ANKRD45: variants seen among roughly 807,000 people sequenced by gnomAD.
The protein encoded by ANKRD45 is ankyrin repeat domain-containing protein 45.
In ANKRD45, 21 loss-of-function variants were observed where a neutral mutation model predicts 28.1. The ratio of observed to expected loss-of-function variants is 0.75; its 90% CI spans 0.53 to 1.08. ANKRD45 has a LOEUF of 1.08. ANKRD45 is among the 50% of genes least tolerant of loss of function. ANKRD45 has a pLI of 0.00. For missense variants in ANKRD45, 261 were observed against 308.7 expected, an observed-to-expected ratio of 0.85 and a Z score of 1.16; for synonymous variants, 86 against 103.9, an observed-to-expected ratio of 0.83 and a Z score of 1.05.
chr1:173,645,784 C>T (rs1571744448), intron 3 of ANKRD45, among the ~76,000 whole-genome samples: 1 of 152,310 alleles, frequency 6.6e-6, no homozygotes, highest in Non-Finnish European at 1.5e-5. Context: ...ATGCCCTTTC[C>T]CTCTCTATTG....
chr1:173,662,342 G>C (rs1201214709), intron 1 of ANKRD45, among the ~76,000 whole-genome samples: 1 of 152,166 alleles, frequency 6.6e-6, no homozygotes, highest in East Asian at 1.9e-4. Context: ...TTTTAAATTG[G>C]TAGAATATTA....
chr1:173,637,185 TG>T, intron 3 of ANKRD45: 1 of 597,754 alleles, frequency 1.7e-6, no homozygotes, highest in South Asian at 2.2e-5. Context: ...TGGGTTGAAA[TG>T]TTACTTCCCA....
chr1:173,668,597 A>G (rs564320139), intron 1 of ANKRD45, among the ~76,000 whole-genome samples: 2 of 152,302 alleles, frequency 1.3e-5, no homozygotes, highest in South Asian at 4.1e-4. Flanking sequence ...CCAAGAAGAT[A>G]CCTGATAACC....
At chr1:173,703,388 A>G in the ANKRD45 span, among the ~76,000 whole-genome samples, 1 of 151,394 alleles carries the variant, frequency 6.6e-6, no homozygotes, top group Non-Finnish European at 1.5e-5. Context: ...GTATTTTTAG[A>G]AGAGACAGGG....
the ANKRD45 span, among the ~76,000 whole-genome samples, chr1:173,688,425 TCTTC>T: frequency 2.1e-5 from 3 of 146,300 alleles, no homozygotes; most frequent in African/African-American, 7.7e-5. Flanking sequence ...TCTCTCTGCC[TCTTC>T]CTCTCTCTCT....
At chr1:173,662,042 G>C (rs61826766) in intron 1 of ANKRD45, among the ~76,000 whole-genome samples, 23,433 of 152,120 alleles carry the variant, frequency 0.15, 2,137 homozygotes, top group Middle Eastern at 0.31. Flanking sequence ...AAAGGCCAGG[G>C]AGCAGATATT....
At chr1:173,705,230 G>T in the ANKRD45 span, among the ~76,000 whole-genome samples, 2 of 151,460 alleles carry the variant, frequency 1.3e-5, no homozygotes, top group Non-Finnish European at 2.9e-5. Context: ...GACATAGTTA[G>T]GTCCATTTAT....
chr1:173,701,756 C>T, the ANKRD45 span, among the ~76,000 whole-genome samples: 2 of 152,108 alleles, frequency 1.3e-5, no homozygotes, highest in Non-Finnish European at 2.9e-5. Context: ...CAACATGGCA[C>T]ATGCCTATGT....
chr1:173,621,038 T>A (rs938150981), intron 5 of ANKRD45, among the ~76,000 whole-genome samples: 17 of 152,082 alleles, frequency 1.1e-4, no homozygotes, highest in African/African-American at 4.1e-4. Context: ...TCTATGAACA[T>A]AAAGTAGAAA....
intron 5 of ANKRD45, among the ~76,000 whole-genome samples, chr1:173,617,319 C>T (rs1667504547): frequency 6.6e-6 from 1 of 152,200 alleles, no homozygotes; most frequent in African/African-American, 2.4e-5. Context: ...AGACCCACCA[C>T]CTTGGAATTC....
chr1:173,632,056 G>T (rs921349324), intron 3 of ANKRD45, among the ~76,000 whole-genome samples: 5 of 151,624 alleles, frequency 3.3e-5, no homozygotes, highest in Non-Finnish European at 7.4e-5. Flanking sequence ...ATGAAAAGTT[G>T]GTTTTTTGAA....
chr1:173,656,243 C>T (rs1181452632), intron 2 of ANKRD45, among the ~76,000 whole-genome samples: 1 of 152,138 alleles, frequency 6.6e-6, no homozygotes, highest in East Asian at 1.9e-4. Context: ...TTGTAATGGA[C>T]CCATGTCTTA....
At chr1:173,686,513 C>A in the ANKRD45 span, among the ~76,000 whole-genome samples, 1 of 151,992 alleles carries the variant, frequency 6.6e-6, no homozygotes, top group African/African-American at 2.4e-5. Flanking sequence ...TTCTTTCCAC[C>A]CTTTGATGAG....
At chr1:173,688,122 TGTCA>T in the ANKRD45 span, among the ~76,000 whole-genome samples, 4 of 152,144 alleles carry the variant, frequency 2.6e-5, no homozygotes, top group African/African-American at 9.7e-5. Flanking sequence ...GGGTACGGGT[TGTCA>T]GTGTCCTCAG....
At chr1:173,671,706 TA>T (rs1275470219), upstream of ANKRD45, among the ~76,000 whole-genome samples, 8 of 135,850 alleles carry the variant, frequency 5.9e-5, no homozygotes, top group Non-Finnish European at 1.1e-4. Flanking sequence ...CCGTCTCTAC[TA>T]AAAAATACCA....
chr1:173,710,146 G>A, the ANKRD45 span, among the ~76,000 whole-genome samples: 4 of 152,072 alleles, frequency 2.6e-5, no homozygotes, highest in Non-Finnish European at 4.4e-5. Flanking sequence ...GCTACATAGT[G>A]AGAACTCGTC....
At chr1:173,632,772 A>G (rs1165431698) in intron 3 of ANKRD45, among the ~76,000 whole-genome samples, 1 of 152,042 alleles carries the variant, frequency 6.6e-6, no homozygotes, top group Non-Finnish European at 1.5e-5. Context: ...AAACCATATG[A>G]TCATTTTAAT....
intron 2 of ANKRD45, among the ~76,000 whole-genome samples, chr1:173,648,125 A>G (rs1436901419): frequency 6.6e-6 from 1 of 152,082 alleles, no homozygotes; most frequent in Non-Finnish European, 1.5e-5. Context: ...TTTTTAGTAG[A>G]GACAGGGTTT....
At chr1:173,711,710 A>G in the ANKRD45 span, among the ~76,000 whole-genome samples, 12 of 152,350 alleles carry the variant, frequency 7.9e-5, no homozygotes, top group African/African-American at 2.6e-4. Flanking sequence ...CCCGAAGGGC[A>G]TAGTCTTACT....
Sources: allele counts gnomAD v4.1 joint callset (sites outside exome capture counted in the v4.1 genomes callset), GRCh38; gene constraint gnomAD v4.1.1; transcripts MANE v1.5; gene names NCBI Gene and HGNC (gene_info 2026-07-23, HGNC 2026-07-21).